Variants in ELAPOR2 observed in about 807,000 individuals in gnomAD.
The protein encoded by ELAPOR2 is endosome/lysosome-associated apoptosis and autophagy regulator family member 2.
In ELAPOR2, 89 loss-of-function variants were observed where a neutral mutation model predicts 120.7. The observed-to-expected ratio is 0.74, with a 90% CI of 0.62 to 0.88. ELAPOR2 has a LOEUF of 0.88. Ranked by LOEUF, ELAPOR2 falls within the 40% of genes least tolerant of loss-of-function variation. ELAPOR2 has a pLI of 0.00. For missense variants in ELAPOR2, 1,134 were observed against 1,251.6 expected (o/e 0.91, Z 1.42); for synonymous variants, 444 against 444.9 (o/e 1.00, Z 0.03).
chr7:87,057,991 T>G (rs146515483), intron 1 of ELAPOR2, among the ~76,000 whole-genome samples: 11 of 152,330 alleles, frequency 7.2e-5, no homozygotes, highest in African/African-American at 2.4e-4. Flanking sequence ...CCAGGTGATA[T>G]GTAAAGTTGT....
chr7:86,909,844 G>A lies in ELAPOR2; in HGVS notation c.2327C>T (p.Ser776Leu). 1 of 1,612,542 alleles carries A rather than the reference G, an allele frequency of 6.2e-7. No individual in the cohort carries two copies. The highest frequency in any genetic ancestry group is 8.5e-7 in the Non-Finnish European group (1 of 1,179,244). ...TGTATCTGCCAGAATGATGGATTGTGATGATAAGGCTGCTCGGAAACCCTT... is the reference window on the plus strand; with the variant it reads ...TGTATCTGCCAGAATGATGGATTGTAATGATAAGGCTGCTCGGAAACCCTT... ...ESKGFRAALS[S>L]QSIILADTFI... The change falls in exon 16 of 22, where the codon TCA (serine) becomes TTA (leucine). Residue 776 changes from serine to leucine, a missense_variant. Physicochemically the swap from Ser to Leu is moderately radical, Grantham distance 145 (BLOSUM62 -2). Coordinates refer to ENST00000450689, the MANE Select transcript of ELAPOR2 (RefSeq NM_001142749.3).
At chr7:86,999,272 G>A (rs1189835445) in intron 1 of ELAPOR2, among the ~76,000 whole-genome samples, 2 of 152,040 alleles carry the variant, frequency 1.3e-5, no homozygotes, top group Non-Finnish European at 2.9e-5. Context: ...ATTTTGATCT[G>A]CTAGAATTTT....
In ELAPOR2 at chr7:86,880,464, T is replaced by C. The variant is rs550261821; in HGVS notation, c.*7A>G. The C allele has an allele frequency of 1.7e-5, 27 of 1,601,888 alleles. No homozygotes were observed. In the South Asian group the frequency reaches 2.6e-4, roughly 16 times the overall value. On this transcript the variant is annotated 3_prime_UTR_variant, in exon 22 of 22. Coordinates refer to ENST00000450689, the MANE Select transcript of ELAPOR2 (RefSeq NM_001142749.3). ...TTCATTAGTCTCAAGGCTACAGCAC[T>C]GTCTCTTCATATATTTGGGGATCTT...
In ELAPOR2 at chr7:86,912,145, A is replaced by C; in HGVS notation, c.2096T>G (p.Met699Arg). 1.9e-6 allele frequency: 3 copies of C among 1,613,264 alleles called. No homozygotes were observed. The highest frequency in any genetic ancestry group is 2.5e-6 in the Non-Finnish European group (3 of 1,179,272). The change falls in exon 15 of 22, where the codon ATG becomes AGG. Residue 699 changes from methionine (M) to arginine (R), a missense_variant. Met to Arg is a moderately conservative substitution (Grantham distance 91). Coordinates refer to ENST00000450689, the MANE Select transcript of ELAPOR2 (RefSeq NM_001142749.3). The stretch of plus-strand genomic sequence containing the variant: ...TTTGGAGGTGAAGCTGGGGCCATTC[A>C]TTAATGAGCCCACACTGCTGAGGTT... ...FSNLSSVGSL[M>R]NGPSFTSKGT...
chr7:86,946,190 CGTGT>C (rs1791000430), intron 3 of ELAPOR2, among the ~76,000 whole-genome samples: 1 of 151,570 alleles, frequency 6.6e-6, no homozygotes, highest in Non-Finnish European at 1.5e-5. Context: ...CACACACACA[CGTGT>C]GCATACACTG....
At chr7:86,894,007 T>C (rs930457325) in intron 19 of ELAPOR2, among the ~76,000 whole-genome samples, 5 of 152,064 alleles carry the variant, frequency 3.3e-5, no homozygotes, top group Non-Finnish European at 7.4e-5. Context: ...TCATTAAACT[T>C]TCTGGTATAT....
chr7:86,943,875 G>A (rs1790897265), intron 4 of ELAPOR2, among the ~76,000 whole-genome samples: 1 of 152,020 alleles, frequency 6.6e-6, no homozygotes, highest in Non-Finnish European at 1.5e-5. Context: ...AAAAGATATT[G>A]TCACATAATC....
intron 2 of ELAPOR2, among the ~76,000 whole-genome samples, chr7:86,963,192 G>A (rs1791782794): frequency 6.6e-6 from 1 of 152,210 alleles, no homozygotes; most frequent in Non-Finnish European, 1.5e-5. Flanking sequence ...ATAACTAATA[G>A]TGACCTGATT....
chr7:86,907,606 T>C, intron 18 of ELAPOR2, 64 bp downstream of exon 18: 1 of 988,522 alleles, frequency 1.0e-6, no homozygotes. Flanking sequence ...TGTTTTAAAA[T>C]AGTAACATTC....
At chr7:86,945,135 T>C in intron 3 of ELAPOR2, 89 bp from the exon 4 acceptor site, 1 of 1,230,536 alleles carries the variant, frequency 8.1e-7, no homozygotes, top group Non-Finnish European at 1.1e-6. Flanking sequence ...TCACGAGTAG[T>C]TCCATCAGCA....
At chr7:86,914,623 A>G (rs1453544318) in intron 13 of ELAPOR2, 100 bp downstream of exon 13, 12 of 927,710 alleles carry the variant, frequency 1.3e-5, no homozygotes, top group Non-Finnish European at 1.9e-5. Flanking sequence ...TTTAAAAAGC[A>G]GTCCTTTCTT....
chr7:86,945,169 G>A, intron 3 of ELAPOR2, 123 bp from the exon 4 acceptor site: 1 of 816,674 alleles, frequency 1.2e-6, no homozygotes, highest in Non-Finnish European at 1.9e-6. Flanking sequence ...AACACCAGAA[G>A]CTTTTCCAGA....
intron 2 of ELAPOR2, among the ~76,000 whole-genome samples, chr7:86,958,099 T>C (rs980516954): frequency 6.6e-6 from 1 of 152,278 alleles, no homozygotes; most frequent in Admixed American, 6.5e-5. Context: ...GTTCAATATA[T>C]ACTAGCAGTG....
chr7:87,016,711 A>G (rs990206610), intron 1 of ELAPOR2, among the ~76,000 whole-genome samples: 3 of 150,620 alleles, frequency 2.0e-5, no homozygotes, highest in Admixed American at 6.6e-5. Context: ...TAATGAACCA[A>G]TCTTCTCTCT....
chr7:86,998,604 A>G (rs764907204), intron 1 of ELAPOR2, among the ~76,000 whole-genome samples: 2 of 152,174 alleles, frequency 1.3e-5, no homozygotes, highest in Admixed American at 6.5e-5. Context: ...CTCCACCCAC[A>G]AAATACCAAT....
intron 10 of ELAPOR2, 79 bp from the exon 11 acceptor site, chr7:86,919,389 T>TA: frequency 2.4e-6 from 2 of 824,376 alleles, no homozygotes; most frequent in Non-Finnish European, 3.7e-6. Context: ...AAGGTAAAAA[T>TA]AAAAAGAAGC....
intron 8 of ELAPOR2, 54 bp downstream of exon 8, chr7:86,938,072 T>C (rs1478836543): frequency 7.6e-6 from 10 of 1,315,182 alleles, no homozygotes; most frequent in Non-Finnish European, 1.1e-5. Flanking sequence ...TCTGCTCAAA[T>C]TGGAAAGAAG....
chr7:86,934,314 G>A (rs1387624497), intron 8 of ELAPOR2, among the ~76,000 whole-genome samples: 1 of 151,952 alleles, frequency 6.6e-6, no homozygotes, highest in African/African-American at 2.4e-5. Context: ...AACTTGATAT[G>A]TAGTAAGCCC....
intron 21 of ELAPOR2, among the ~76,000 whole-genome samples, chr7:86,884,143 T>C (rs1799575726): frequency 6.6e-6 from 1 of 152,182 alleles, no homozygotes; most frequent in Non-Finnish European, 1.5e-5. Context: ...AAAAAAATCA[T>C]TACGCTAACT....
Sources: gnomAD v4.1 joint callset for allele counts (sites outside exome capture counted in the v4.1 genomes callset) on GRCh38, gnomAD v4.1.1 for gene constraint, MANE v1.5 for transcripts, NCBI Gene and HGNC (gene_info 2026-07-23, HGNC 2026-07-21) for gene names.